Variants in DCPS observed in about 807,000 individuals in gnomAD.
The protein encoded by DCPS is decapping enzyme, scavenger, also known as m7GpppX diphosphatase.
In DCPS, 27 loss-of-function variants were observed where a neutral mutation model predicts 34.7. The ratio of observed to expected loss-of-function variants is 0.78; its 90% CI spans 0.57 to 1.07. The LOEUF (loss-of-function observed/expected upper bound fraction) is 1.07, where lower values mean the gene tolerates loss of function less well. Ranked by LOEUF, DCPS falls within the 50% of genes least tolerant of loss-of-function variation. The pLI is 0.00. For synonymous variants in DCPS, 185 were observed against 185.7 expected (o/e 1.00, Z 0.03); for missense variants, 464 against 436.9 (o/e 1.06, Z -0.55).
intron 2 of DCPS, among the ~76,000 whole-genome samples, chr11:126,311,701 G>C (rs1951619540): frequency 1.3e-5 from 2 of 152,204 alleles, no homozygotes; most frequent in Non-Finnish European, 2.9e-5. Context: ...GATGGGGTGG[G>C]ATGGTGGCAG....
At position 126,348,791 on chromosome 11, in the gene DCPS, T is replaced by C. The variant is rs377297093; in HGVS notation, c.*3178T>C. Among the ~76,000 whole-genome samples the C allele has an allele frequency of 7.9e-5, 12 of 152,372 alleles. No homozygotes were observed. In the East Asian group the frequency reaches 1.5e-3, roughly 20 times the overall value. ...TCTCTATCCCTGGCCCCTAAGACAC[T>C]ACCTGGCTCAGCAAACCAACCTTTG... On this transcript the variant is annotated 3_prime_UTR_variant, in exon 6 of 6. Coordinates refer to ENST00000263579, the MANE Select transcript of DCPS (RefSeq NM_014026.6). This position sits in a 1 kb window ranked among gnomAD's most constrained non-coding sequence, Gnocchi z 5.3.
At position 126,328,999 on chromosome 11, in the gene DCPS, T is replaced by TG. The variant is rs1951761730; in HGVS notation, c.377-2405dup. Among the ~76,000 whole-genome samples, 2 of 152,212 alleles carry TG rather than the reference T, an allele frequency of 1.3e-5. No homozygotes were observed. The highest frequency in any genetic ancestry group is 4.1e-4 in the South Asian group (2 of 4,834). ...CACTAATAAGTGCAGAGCCAGGACTTGCACCCAGGCTGACTGGCTCCAAAA... is the reference window on the plus strand; with the variant it reads ...CACTAATAAGTGCAGAGCCAGGACTTGGCACCCAGGCTGACTGGCTCCAAAA... On this transcript the variant is annotated intron_variant, in intron 2 of 5. Transcript: ENST00000263579. The surrounding 1 kb of genome is among the most constrained non-coding windows in gnomAD (Gnocchi z 6.6).
rs1437479806 is a variant in DCPS at position 126,320,383 on chromosome 11, G to A, written c.377-11022G>A. On this transcript the variant is annotated intron_variant, in intron 2 of 5. Coordinates refer to ENST00000263579, the MANE Select transcript of DCPS (RefSeq NM_014026.6). The surrounding 1 kb of genome is among the most constrained non-coding windows in gnomAD (Gnocchi z 4.7). ...AAGATTGAAAGTAAAGCATCATAAG[G>A]GAGACAGGAGGACAGGGACATGGGC... Among the ~76,000 whole-genome samples, 4 of 152,148 alleles carry A rather than the reference G, an allele frequency of 2.6e-5. No homozygotes were observed. The South Asian group carries it at 8.3e-4, about 32-fold the overall frequency.
At position 126,346,422 on chromosome 11, in the gene DCPS, C is replaced by T. The variant is rs1951930083; in HGVS notation, c.*809C>T. Among the ~76,000 whole-genome samples, 2 of 152,224 alleles carry T rather than the reference C, an allele frequency of 1.3e-5. No individual in the cohort carries two copies. ...GCCCGGAGGCGGCTCGGGTTCAAGG[C>T]CTATCAGAGGCAGATGTTCAGAGGA... is the stretch of plus-strand genomic sequence containing the variant. On this transcript the variant is annotated 3_prime_UTR_variant, in exon 6 of 6. Transcript: ENST00000263579. This position sits in a 1 kb window ranked among gnomAD's most constrained non-coding sequence, Gnocchi z 4.1.
chr11:126,343,274 G>A, intron 4 of DCPS, 33 bp from the exon 5 acceptor site: 1 of 1,583,314 alleles, frequency 6.3e-7, no homozygotes, highest in Non-Finnish European at 8.6e-7. Context: ...TCTGTTCCCT[G>A]CTGAGCCTGG....
At position 126,338,995 on chromosome 11, in the gene DCPS, C is replaced by G. The variant is rs1001273866; in HGVS notation, c.636+596C>G. On this transcript the variant is annotated intron_variant, in intron 4 of 5. Transcript: ENST00000263579. The surrounding 1 kb of genome is among the most constrained non-coding windows in gnomAD (Gnocchi z 5.4). ...CCCTCACAGGTATCCCTTTCCAGTT[C>G]CCTATGGTCTTCTGTCTCTCCCAGA... Among the ~76,000 whole-genome samples the G allele has an allele frequency of 4.6e-5, 7 of 152,352 alleles. No homozygotes were observed. The East Asian group carries it at 1.2e-3, about 25-fold the overall frequency.
In DCPS at chr11:126,305,413, C is replaced by CTTTTTTTTTTT. The variant is rs1165260410; in HGVS notation, c.202-1143_202-1133dup. Reference sequence around the variant, plus strand: ...TACAGGCGTGAGCCACCGCACCCGCCTTTTTTTTTTTTTTTTTTTTTTTTG... The same window carrying CTTTTTTTTTTT: ...TACAGGCGTGAGCCACCGCACCCGCCTTTTTTTTTTTTTTTTTTTTTTTTTTTTTTTTTTTG... On this transcript the variant is annotated intron_variant, in intron 1 of 5. Transcript: ENST00000263579. Among the ~76,000 whole-genome samples, 30 of 68,326 alleles carry CTTTTTTTTTTT rather than the reference C, an allele frequency of 4.4e-4. 1 individual carries two copies. Among genetic ancestry groups the CTTTTTTTTTTT allele is most frequent in the Non-Finnish European group, 5.5e-4 (20 of 36,126 alleles). The allele number at this position is 68,326 out of a possible 152,430, so 44.8% of individuals were successfully genotyped here.
chr11:126,324,142 A>T (rs1951725136), intron 2 of DCPS, among the ~76,000 whole-genome samples: 1 of 152,018 alleles, frequency 6.6e-6, no homozygotes, highest in Admixed American at 6.6e-5. Flanking sequence ...CTAAAGTTGT[A>T]TTTCTACAGT....
chr11:126,345,625 C>G lies in DCPS; in HGVS notation c.*12C>G. On this transcript the variant is annotated 3_prime_UTR_variant, in exon 6 of 6. Coordinates refer to ENST00000263579, the MANE Select transcript of DCPS (RefSeq NM_014026.6). This position sits in a 1 kb window ranked among gnomAD's most constrained non-coding sequence, Gnocchi z 7.4. ...CTCAGCAAAGCTGAATTAACTCAGG[C>G]AGAAGAGCACAGATGTGTGGGATTG... The G allele has an allele frequency of 6.2e-7, 1 of 1,608,486 alleles. No individual in the cohort carries two copies. Among genetic ancestry groups the G allele is most frequent in the South Asian group, 1.1e-5 (1 of 90,986 alleles).
chr11:126,345,365 T>C lies in DCPS; in HGVS notation c.766T>C (p.Tyr256His). The C allele has an allele frequency of 6.2e-7, 1 of 1,614,060 alleles. No homozygotes were observed. Among genetic ancestry groups the C allele is most frequent in the Non-Finnish European group, 8.5e-7 (1 of 1,180,016 alleles). The change falls in exon 6 of 6, where the codon TAC becomes CAC. Residue 256 changes from tyrosine (Y) to histidine (H), a missense_variant. Tyr to His is a moderately conservative substitution (Grantham distance 83). Coordinates refer to ENST00000263579, the MANE Select transcript of DCPS (RefSeq NM_014026.6). The surrounding 1 kb of genome is among the most constrained non-coding windows in gnomAD (Gnocchi z 7.4). ...HQGQEAILQR[Y>H]RMKGDHLRVY... ...TCATCAGGAGGCCATCCTGCAGCGC[T>C]ACCGGATGAAGGGAGACCATCTGCG...
At position 126,323,861 on chromosome 11, in the gene DCPS, T is replaced by G. The variant is rs530564592; in HGVS notation, c.377-7544T>G. ...TTGTTTGTTTTTTGAGATGGTGTCT[T>G]GCTCTGTTGCCCAGACTAGAGTGCA... On this transcript the variant is annotated intron_variant, in intron 2 of 5. Transcript: ENST00000263579. The surrounding 1 kb of genome is among the most constrained non-coding windows in gnomAD (Gnocchi z 4.4). Among the ~76,000 whole-genome samples the G allele has an allele frequency of 6.6e-6, 1 of 152,278 alleles. No individual in the cohort carries two copies. Among genetic ancestry groups the G allele is most frequent in the East Asian group, 1.9e-4 (1 of 5,176 alleles).
In DCPS at chr11:126,335,138, A is replaced by G. The variant is rs1375096998; in HGVS notation, c.523-3148A>G. ...TGGGCAGAGCTAAGACACCTGGGAG[A>G]CGTGGCCAGGCCACACATGGCTGGA... On this transcript the variant is annotated intron_variant, in intron 3 of 5. Transcript: ENST00000263579. The surrounding 1 kb of genome is among the most constrained non-coding windows in gnomAD (Gnocchi z 4.8). Among the ~76,000 whole-genome samples, 3 of 152,238 alleles carry G rather than the reference A, an allele frequency of 2.0e-5. No homozygotes were observed. Among genetic ancestry groups the G allele is most frequent in the African/African-American group, 7.2e-5 (3 of 41,468 alleles).
At position 126,340,327 on chromosome 11, in the gene DCPS, T is replaced by TC. The variant is rs1174402628; in HGVS notation, c.636+1928_636+1929insC. On this transcript the variant is annotated intron_variant, in intron 4 of 5. Transcript: ENST00000263579. ...GTCCTTCTTAACATTTGCTTAATTCTTTTTTTTTTTTTGAGACAGAGTCTC... is the reference window on the plus strand; with the variant it reads ...GTCCTTCTTAACATTTGCTTAATTCTCTTTTTTTTTTTTGAGACAGAGTCTC... Among the ~76,000 whole-genome samples, 8 of 144,028 alleles carry TC rather than the reference T, an allele frequency of 5.6e-5. No individual in the cohort carries two copies. The East Asian group carries it at 1.6e-3, about 29-fold the overall frequency. The allele number at this position is 144,028 out of a possible 152,430, so 94.5% of individuals were successfully genotyped here.
rs1042317456 is a variant in DCPS, at chr11:126,328,862, G to A, written c.377-2543G>A. Among the ~76,000 whole-genome samples the A allele has an allele frequency of 2.0e-5, 3 of 152,172 alleles. No individual in the cohort carries two copies. Among genetic ancestry groups the A allele is most frequent in the Non-Finnish European group, 2.9e-5 (2 of 68,026 alleles). On this transcript the variant is annotated intron_variant, in intron 2 of 5. Transcript: ENST00000263579. This position sits in a 1 kb window ranked among gnomAD's most constrained non-coding sequence, Gnocchi z 6.6. ...CCTGAATCTTTCCTTCTACTGACTC[G>A]TTTAATTCTCCCAACAGCCCTGGAA...
rs753983541 is a variant in DCPS, at chr11:126,348,556, G to A, written c.*2943G>A. 3.3e-5 allele frequency among the ~76,000 whole-genome samples: 5 copies of A among 152,328 alleles called. No individual in the cohort carries two copies. The highest frequency in any genetic ancestry group is 2.0e-4 in the Admixed American group (3 of 15,298). ...GGGCTTATCACCCTCAAGGTCTAGA[G>A]TGCACCAGGGTTGGCTGCTCTGCCA... On this transcript the variant is annotated 3_prime_UTR_variant, in exon 6 of 6. Coordinates refer to ENST00000263579, the MANE Select transcript of DCPS (RefSeq NM_014026.6). This position sits in a 1 kb window ranked among gnomAD's most constrained non-coding sequence, Gnocchi z 5.3.
rs933290745 is a variant in DCPS, at chr11:126,345,759, G to A, written c.*146G>A. On this transcript the variant is annotated 3_prime_UTR_variant, in exon 6 of 6. Transcript: ENST00000263579. This position sits in a 1 kb window ranked among gnomAD's most constrained non-coding sequence, Gnocchi z 7.4. Reference sequence around the variant, plus strand: ...TAAACTAGCGGGCTCACTCAGTGTGGACAGCGTGGCCTGGGAGGCAGACAG... The same window carrying A: ...TAAACTAGCGGGCTCACTCAGTGTGAACAGCGTGGCCTGGGAGGCAGACAG... 1.6e-6 allele frequency: 2 copies of A among 1,268,708 alleles called. No homozygotes were observed. The highest frequency in any genetic ancestry group is 3.0e-5 in the African/African-American group (2 of 66,578). The allele number at this position is 1,268,708 out of a possible 1,614,324, so 78.6% of individuals were successfully genotyped here.
At chr11:126,318,550 C>G (rs1214713397) in intron 2 of DCPS, among the ~76,000 whole-genome samples, 2 of 152,216 alleles carry the variant, frequency 1.3e-5, no homozygotes, top group Non-Finnish European at 2.9e-5. Context: ...CTCGTTCTTT[C>G]AGGCTTTCTC....
chr11:126,311,444 T>C lies in DCPS; in HGVS notation c.376+4700T>C, dbSNP rs543080089. On this transcript the variant is annotated intron_variant, in intron 2 of 5. Coordinates refer to ENST00000263579, the MANE Select transcript of DCPS (RefSeq NM_014026.6). ...AAGATAACCGATGTCTCCCTGTCTT[T>C]GCAGTTCTAGTGGGGAAGGCAGACA... 1.4e-4 allele frequency among the ~76,000 whole-genome samples: 21 copies of C among 152,352 alleles called. No individual in the cohort carries two copies. In the South Asian group the frequency reaches 3.9e-3, roughly 29 times the overall value.
rs1014760822 is a variant in DCPS at position 126,338,883 on chromosome 11, A to C, written c.636+484A>C. 2.6e-5 allele frequency among the ~76,000 whole-genome samples: 4 copies of C among 152,108 alleles called. No homozygotes were observed. The East Asian group carries it at 7.7e-4, about 29-fold the overall frequency. ...GTGGAGTAGCTTAGCCCAGACTTCT[A>C]CTCAGGCCCCTTGGCCCCGTGCCCT... On this transcript the variant is annotated intron_variant, in intron 4 of 5. Transcript: ENST00000263579. This position sits in a 1 kb window ranked among gnomAD's most constrained non-coding sequence, Gnocchi z 5.4.
Sources: allele counts gnomAD v4.1 joint callset (sites outside exome capture counted in the v4.1 genomes callset), GRCh38; gene constraint gnomAD v4.1.1; non-coding constraint Gnocchi (gnomAD v3.1); transcripts MANE v1.5; gene names NCBI Gene and HGNC (gene_info 2026-07-23, HGNC 2026-07-21).